IQUB: variants seen among roughly 807,000 people sequenced by gnomAD.
IQUB encodes the protein IQ motif and ubiquitin-like domain-containing protein.
In IQUB, 86 loss-of-function variants were observed where a neutral mutation model predicts 86.4. That is an observed-to-expected ratio of 1.00 (90% CI 0.84 to 1.19). The LOEUF is 1.19. IQUB is among the 50% of genes most tolerant of loss of function. The pLI is 0.00. For missense variants in IQUB, 946 were observed against 916.9 expected (o/e 1.03, Z -0.41); for synonymous variants, 289 against 304.5 (o/e 0.95, Z 0.53).
chr7:123,533,579 CCTT>C (rs1351638206), intron 1 of IQUB, among the ~76,000 whole-genome samples: 13 of 148,740 alleles, frequency 8.7e-5, no homozygotes, highest in African/African-American at 2.7e-4. Context: ...CTTCGAAACA[CCTT>C]CTCACAATGA....
chr7:123,484,007 C>T (rs1795113127), intron 7 of IQUB, among the ~76,000 whole-genome samples: 1 of 152,004 alleles, frequency 6.6e-6, no homozygotes, highest in Non-Finnish European at 1.5e-5. Flanking sequence ...CTGGCCACTG[C>T]CTTTCATAAT....
At chr7:123,508,792 A>G (rs1339820300) in intron 3 of IQUB, among the ~76,000 whole-genome samples, 1 of 152,208 alleles carries the variant, frequency 6.6e-6, no homozygotes, top group Non-Finnish European at 1.5e-5. Flanking sequence ...ACTTTGCACA[A>G]GTTTCTTGAG....
chr7:123,518,097 T>G (rs1658915548), intron 1 of IQUB, among the ~76,000 whole-genome samples: 1 of 152,140 alleles, frequency 6.6e-6, no homozygotes, highest in Non-Finnish European at 1.5e-5. Flanking sequence ...AATAAAACAA[T>G]AATATAACAC....
At chr7:123,489,862 T>C (rs1230218764) in intron 7 of IQUB, among the ~76,000 whole-genome samples, 1 of 151,826 alleles carries the variant, frequency 6.6e-6, no homozygotes, top group Non-Finnish European at 1.5e-5. Flanking sequence ...CCAGAATTTA[T>C]AAAAATCACA....
chr7:123,455,494 C>T (rs1236084879), intron 12 of IQUB, among the ~76,000 whole-genome samples: 2 of 152,000 alleles, frequency 1.3e-5, no homozygotes, highest in Non-Finnish European at 2.9e-5. Context: ...TTTTAAAGTG[C>T]TTTCATAGTT....
chr7:123,500,414 A>G (rs991680233), intron 6 of IQUB, among the ~76,000 whole-genome samples: 5 of 152,206 alleles, frequency 3.3e-5, no homozygotes, highest in Non-Finnish European at 7.3e-5. Context: ...AAAAAGCATA[A>G]ACAAATAAGA....
At chr7:123,517,485 T>C (rs4731109) in intron 1 of IQUB, among the ~76,000 whole-genome samples, 114,882 of 143,834 alleles carry the variant, frequency 0.8, 45,734 homozygotes, top group Admixed American at 0.83. Context: ...GAGCCGAGAT[T>C]GCGCCACTGC....
chr7:123,502,331 G>A (rs1246366806), intron 6 of IQUB: 2 of 414,104 alleles, frequency 4.8e-6, no homozygotes, highest in Admixed American at 4.5e-5. Context: ...GGACAGCAGT[G>A]TTGAGAAGGC....
At chr7:123,500,923 G>A (rs556817364) in intron 6 of IQUB, 1 of 151,720 alleles carries the variant, frequency 6.6e-6, no homozygotes, top group Admixed American at 6.6e-5. Flanking sequence ...TTGGAGTTTG[G>A]AAAATGACAG....
At chr7:123,478,224 T>C (rs1172025862) in intron 8 of IQUB, among the ~76,000 whole-genome samples, 3 of 152,092 alleles carry the variant, frequency 2.0e-5, no homozygotes, top group African/African-American at 7.2e-5. Flanking sequence ...GTGGCACATA[T>C]ACAACATGGA....
intron 7 of IQUB, among the ~76,000 whole-genome samples, chr7:123,484,246 A>G (rs537338734): frequency 2.0e-5 from 3 of 152,100 alleles, no homozygotes; most frequent in African/African-American, 7.2e-5. Flanking sequence ...TTGTAAATTT[A>G]AGAGCTAAAT....
At chr7:123,504,700 C>G (rs1026508098) in intron 3 of IQUB, among the ~76,000 whole-genome samples, 3 of 152,174 alleles carry the variant, frequency 2.0e-5, no homozygotes, top group African/African-American at 7.2e-5. Context: ...TCGCCTCCCA[C>G]CAGACCTCTC....
At chr7:123,506,840 G>C (rs1796199934) in intron 3 of IQUB, among the ~76,000 whole-genome samples, 1 of 152,116 alleles carries the variant, frequency 6.6e-6, no homozygotes, top group Non-Finnish European at 1.5e-5. Flanking sequence ...CACGGTAGAG[G>C]TAAGCCAGTT....
At chr7:123,498,156 C>A (rs968623310) in intron 6 of IQUB, among the ~76,000 whole-genome samples, 1 of 151,948 alleles carries the variant, frequency 6.6e-6, no homozygotes, top group South Asian at 2.1e-4. Flanking sequence ...TGGGGTCAGA[C>A]TGGGTGAACC....
At chr7:123,527,304 T>C (rs1401119703) in intron 1 of IQUB, among the ~76,000 whole-genome samples, 1 of 152,240 alleles carries the variant, frequency 6.6e-6, no homozygotes, top group East Asian at 1.9e-4. Context: ...TGAAGCCTTC[T>C]TCTCTCAGCT....
At chr7:123,469,136 T>A in intron 9 of IQUB, 78 bp downstream of exon 9, 2 of 1,001,844 alleles carry the variant, frequency 2.0e-6, no homozygotes, top group Non-Finnish European at 1.4e-6. Flanking sequence ...GTAAAACACT[T>A]TACTTGTTTT....
intron 1 of IQUB, among the ~76,000 whole-genome samples, chr7:123,523,551 T>C (rs1339595073): frequency 1.3e-5 from 2 of 152,060 alleles, no homozygotes; most frequent in African/African-American, 4.8e-5. Context: ...GATGGGGTAG[T>C]TTGTTTTTTT....
At chr7:123,487,789 T>A (rs1414951293) in intron 7 of IQUB, among the ~76,000 whole-genome samples, 10 of 152,208 alleles carry the variant, frequency 6.6e-5, no homozygotes, top group Admixed American at 6.5e-4. Flanking sequence ...GTCACATGTA[T>A]ACACACTTCC....
rs868027787 is a variant in IQUB, at chr7:123,461,535, G to A, written c.1829C>T (p.Ser610Phe). The A allele has an allele frequency of 1.2e-6, 2 of 1,611,838 alleles. No homozygotes were observed. Among genetic ancestry groups the A allele is most frequent in the African/African-American group, 1.3e-5 (1 of 74,868 alleles). ...GGTGGATGATACAGAAAATTCTGTA[G>A]AAGGCAAATAAAGCTGGCAACTGTG... ...FCHSCQLYLP[S>F]TEFSVSSTSR... is the part of the protein sequence containing the mutation. Residue 610 changes from serine (S) to phenylalanine (F), a missense_variant, in exon 11 of 13, where the codon TCT (serine) becomes TTT (phenylalanine). Ser to Phe is a radical substitution (Grantham distance 155). Transcript: ENST00000324698.
Sources: gnomAD v4.1 joint callset for allele counts (sites outside exome capture counted in the v4.1 genomes callset) on GRCh38, gnomAD v4.1.1 for gene constraint, MANE v1.5 for transcripts, NCBI Gene and HGNC (gene_info 2026-07-23, HGNC 2026-07-21) for gene names.